MAF: variants seen among roughly 807,000 people sequenced by gnomAD.
MAF encodes the protein transcription factor Maf.
MAF carries 10 observed loss-of-function variants against 22.0 expected under a neutral mutation model. The observed-to-expected ratio is 0.45, with a 90% CI of 0.28 to 0.77. The LOEUF (loss-of-function observed/expected upper bound fraction) is 0.77, where lower values mean the gene tolerates loss of function less well. MAF is among the 30% of genes least tolerant of loss of function. The pLI, the probability that MAF is intolerant of heterozygous loss-of-function variation, is 0.12. For missense variants in MAF, 544 were observed against 548.4 expected, an observed-to-expected ratio of 0.99 and a Z score of 0.08; for synonymous variants, 337 against 255.8, an observed-to-expected ratio of 1.32 and a Z score of -3.03.
At chr16:79,342,454 CT>C in the MAF span, among the ~76,000 whole-genome samples, 2 of 152,132 alleles carry the variant, frequency 1.3e-5, no homozygotes, top group African/African-American at 2.4e-5. Context: ...CTTTCTGAGC[CT>C]TTTTTTCTTT....
the MAF span, among the ~76,000 whole-genome samples, chr16:79,389,712 C>G: frequency 6.6e-6 from 1 of 152,020 alleles, no homozygotes; most frequent in Non-Finnish European, 1.5e-5. Flanking sequence ...CATGGTGGCT[C>G]ACGCCTGTAA....
the MAF span, among the ~76,000 whole-genome samples, chr16:79,328,725 G>C: frequency 6.6e-6 from 1 of 152,126 alleles, no homozygotes; most frequent in Non-Finnish European, 1.5e-5. Context: ...TAGCAGGGAG[G>C]GTTCTGGAAG....
chr16:79,358,394 C>G, the MAF span, among the ~76,000 whole-genome samples: 1 of 152,138 alleles, frequency 6.6e-6, no homozygotes, highest in East Asian at 1.9e-4. Flanking sequence ...TGACCTCCCT[C>G]GTTCACTGAT....
the MAF span, among the ~76,000 whole-genome samples, chr16:79,519,253 G>A: frequency 9.2e-5 from 14 of 152,096 alleles, no homozygotes; most frequent in African/African-American, 2.4e-4. Context: ...AAACAGCCAT[G>A]TGACCACCTC....
chr16:79,596,127 C>G (rs1913509563), intron 1 of MAF: 1 of 1,062,362 alleles, frequency 9.4e-7, no homozygotes, highest in Non-Finnish European at 1.1e-6. Flanking sequence ...TCCGGCTCCT[C>G]TGTCTATGGA....
At chr16:79,244,066 C>T in the MAF span, among the ~76,000 whole-genome samples, 1 of 152,100 alleles carries the variant, frequency 6.6e-6, no homozygotes, top group Non-Finnish European at 1.5e-5. Context: ...GAACGTATCT[C>T]AAAATAATAA....
chr16:79,232,433 G>A, the MAF span, among the ~76,000 whole-genome samples: 1 of 152,006 alleles, frequency 6.6e-6, no homozygotes, highest in Non-Finnish European at 1.5e-5. Flanking sequence ...GAATTTGGAG[G>A]TACGGTAGTT....
chr16:79,280,499 G>A, the MAF span, among the ~76,000 whole-genome samples: 1 of 152,228 alleles, frequency 6.6e-6, no homozygotes, highest in African/African-American at 2.4e-5. Context: ...GTATGCACAG[G>A]CCAGCTTGGG....
At chr16:79,541,546 G>A in the MAF span, among the ~76,000 whole-genome samples, 7 of 152,016 alleles carry the variant, frequency 4.6e-5, no homozygotes, top group Admixed American at 2.0e-4. Context: ...GGAAACTGAG[G>A]CTTAGGACAA....
chr16:79,526,265 C>G, the MAF span, among the ~76,000 whole-genome samples: 1 of 152,094 alleles, frequency 6.6e-6, no homozygotes, highest in Non-Finnish European at 1.5e-5. Flanking sequence ...ACTATTCCAC[C>G]TCAGATTATC....
chr16:79,442,542 T>G, the MAF span, among the ~76,000 whole-genome samples: 2 of 151,964 alleles, frequency 1.3e-5, no homozygotes, highest in African/African-American at 2.4e-5. Flanking sequence ...TGGCTGAATA[T>G]TCCTTTTTTA....
chr16:79,246,529 C>A, the MAF span, among the ~76,000 whole-genome samples: 1 of 92,980 alleles, frequency 1.1e-5, no homozygotes, highest in Non-Finnish European at 2.1e-5. Flanking sequence ...TTGGTTTAGG[C>A]AGGTTTTTTT....
the MAF span, among the ~76,000 whole-genome samples, chr16:79,213,356 G>T: frequency 1.3e-4 from 20 of 152,314 alleles, no homozygotes; most frequent in Non-Finnish European, 2.8e-4. Flanking sequence ...CTCCCATCTG[G>T]CTATAGTCTT....
At chr16:79,585,289 C>T (rs913451569), downstream of MAF, among the ~76,000 whole-genome samples, 1 of 152,192 alleles carries the variant, frequency 6.6e-6, no homozygotes, top group Non-Finnish European at 1.5e-5. Context: ...CCATCTCCTC[C>T]TTCCCCTTCT....
the MAF span, among the ~76,000 whole-genome samples, chr16:79,217,040 C>G: frequency 6.6e-6 from 1 of 152,124 alleles, no homozygotes; most frequent in Non-Finnish European, 1.5e-5. Flanking sequence ...GAACTCCTGC[C>G]CTAAAGTGAT....
the MAF span, among the ~76,000 whole-genome samples, chr16:79,534,443 C>T: frequency 6.6e-6 from 1 of 152,018 alleles, no homozygotes; most frequent in African/African-American, 2.4e-5. Flanking sequence ...TGCAATGCCC[C>T]AAAGCTAAGC....
At chr16:79,403,084 G>C in the MAF span, among the ~76,000 whole-genome samples, 2 of 152,170 alleles carry the variant, frequency 1.3e-5, no homozygotes, top group Non-Finnish European at 2.9e-5. Context: ...GACTTCACCT[G>C]CATGCCAGTT....
chr16:79,561,953 C>T, the MAF span, among the ~76,000 whole-genome samples: 1 of 152,164 alleles, frequency 6.6e-6, no homozygotes, highest in African/African-American at 2.4e-5. Flanking sequence ...GTAGACACAA[C>T]AGTATCTCTG....
chr16:79,574,896 C>G, the MAF span, among the ~76,000 whole-genome samples: 1 of 152,118 alleles, frequency 6.6e-6, no homozygotes, highest in Non-Finnish European at 1.5e-5. Flanking sequence ...AGTTGTAAAA[C>G]TCAGAGTAAA....
Sources: allele counts gnomAD v4.1 joint callset (sites outside exome capture counted in the v4.1 genomes callset), GRCh38; gene constraint gnomAD v4.1.1; transcripts MANE v1.5; gene names NCBI Gene and HGNC (gene_info 2026-07-23, HGNC 2026-07-21).